The following POSTN variants were observed in gnomAD, a reference collection of about 807,000 sequenced individuals.
POSTN encodes osteoblast specific factor 2 (fasciclin I-like).
Under a neutral mutation model 104.5 loss-of-function variants are expected in POSTN, and 71 were observed. That is an observed-to-expected ratio of 0.68 (90% CI 0.56 to 0.83). The LOEUF is 0.83. Ranked by LOEUF, POSTN falls within the 40% of genes least tolerant of loss-of-function variation. The pLI is 0.00. For synonymous variants in POSTN, 355 were observed against 340.7 expected, an observed-to-expected ratio of 1.04 and a Z score of -0.46; for missense variants, 949 against 1,006.8, an observed-to-expected ratio of 0.94 and a Z score of 0.78.
At chr13:37,589,218 C>A (rs1950852138) in intron 4 of POSTN, among the ~76,000 whole-genome samples, 1 of 152,016 alleles carries the variant, frequency 6.6e-6, no homozygotes, top group African/African-American at 2.4e-5. Context: ...AGAAACAAGT[C>A]CAAACAACAA....
At chr13:37,567,550 T>C (rs775707382) in intron 21 of POSTN, among the ~76,000 whole-genome samples, 15 of 152,190 alleles carry the variant, frequency 9.9e-5, no homozygotes, top group Non-Finnish European at 1.9e-4. Context: ...CCGCATATAG[T>C]GTTTTTCCTA....
At chr13:37,574,395 T>G (rs1394939976) in intron 17 of POSTN, among the ~76,000 whole-genome samples, 177 bp downstream of exon 17, 1 of 151,836 alleles carries the variant, frequency 6.6e-6, no homozygotes, top group East Asian at 1.9e-4. Context: ...ATCATCTACT[T>G]TGCTAAATAA....
intron 4 of POSTN, among the ~76,000 whole-genome samples, chr13:37,588,936 G>C (rs1383310835): frequency 1.3e-5 from 2 of 152,076 alleles, no homozygotes; most frequent in Admixed American, 1.3e-4. Flanking sequence ...AGAGTATTAG[G>C]GGGATCACTT....
chr13:37,578,364 C>T (rs188073274), intron 15 of POSTN, among the ~76,000 whole-genome samples: 2 of 152,204 alleles, frequency 1.3e-5, no homozygotes, highest in Non-Finnish European at 2.9e-5. Flanking sequence ...AGAAATGATG[C>T]CATTTCTTTA....
intron 16 of POSTN, 90 bp from the exon 17 acceptor site, chr13:37,574,742 G>A: frequency 7.0e-7 from 1 of 1,425,132 alleles, no homozygotes; most frequent in South Asian, 1.5e-5. Context: ...TTTTGTCTCT[G>A]TAGGATACTA....
At position 37,579,287 on chromosome 13, in the gene POSTN, T is replaced by C; in HGVS notation, c.1733A>G (p.Glu578Gly). The change falls in exon 13 of 23, where the codon GAA becomes GGA. Residue 578 changes from glutamate (E) to glycine (G), a missense_variant. Transcript: ENST00000379747. ...TPGVFIGKGF[E>G]PGVTNILKTT... is the part of the protein sequence containing the mutation. ...CTTTAAAATGTTAGTAACACCAGGT[T>C]CAAATCCTTTTCCAATGAAAACTCC... The C allele has an allele frequency of 6.2e-7, 1 of 1,607,004 alleles. No homozygotes were observed. Among genetic ancestry groups the C allele is most frequent in the South Asian group, 1.1e-5 (1 of 90,934 alleles).
At chr13:37,572,910 T>C (rs1950299262) in intron 17 of POSTN, among the ~76,000 whole-genome samples, 1 of 151,594 alleles carries the variant, frequency 6.6e-6, no homozygotes, top group African/African-American at 2.4e-5. Context: ...ATTTGTTTCC[T>C]TCATTATGCT....
chr13:37,564,305 C>T (rs1360807238), intron 22 of POSTN, among the ~76,000 whole-genome samples: 1 of 147,442 alleles, frequency 6.8e-6, no homozygotes, highest in Non-Finnish European at 1.5e-5. Context: ...GTTGACCTTT[C>T]CCTTAATATT....
Position 37,584,794 on chromosome 13 carries a change from T to G in POSTN, c.1030A>C (p.Lys344Gln), listed in dbSNP as rs747099884. Reference protein sequence around the residue: ...DGDSITVNGIKMVNKKDIVTN... With the variant: ...DGDSITVNGIQMVNKKDIVTN... Reference sequence around the variant, plus strand: ...ACAATATCCTTTTTGTTCACCATTTTGATTCCATTTACTGTTATACTGTCA... The same window carrying G: ...ACAATATCCTTTTTGTTCACCATTTGGATTCCATTTACTGTTATACTGTCA... The change falls in exon 8 of 23, where the codon AAA becomes CAA. Residue 344 changes from lysine to glutamine, a missense_variant. Physicochemically the swap from Lys to Gln is moderately conservative, Grantham distance 53 (BLOSUM62 1). Coordinates refer to ENST00000379747, the MANE Select transcript of POSTN (RefSeq NM_006475.3). 1.1e-5 allele frequency: 17 copies of G among 1,613,946 alleles called. No homozygotes were observed. Among genetic ancestry groups the G allele is most frequent in the Middle Eastern group, 1.7e-4 (1 of 6,058 alleles).
intron 17 of POSTN, 89 bp from the exon 18 acceptor site, chr13:37,571,547 G>A (rs1593316921): frequency 1.1e-6 from 1 of 948,486 alleles, no homozygotes; most frequent in Non-Finnish European, 1.6e-6. Flanking sequence ...CATTCGGTGT[G>A]ACTCAACTCA....
chr13:37,584,750 G>T lies in POSTN; in HGVS notation c.1074C>A (p.Ile358=), dbSNP rs761481377. 15 of 1,613,652 alleles carry T rather than the reference G, an allele frequency of 9.3e-6. No individual in the cohort carries two copies. In the East Asian group the frequency reaches 3.1e-4, roughly 34 times the overall value. ...KKDIVTNNGV[I]HLIDQVLIPD... The stretch of plus-strand genomic sequence containing the variant: ...GAATTAGGACCTGATCAATCAAATG[G>T]ATCACACCATTATTTGTCACAATAT... The change falls in exon 8 of 23, where the codon ATC becomes ATA. Residue 358 remains isoleucine, a synonymous_variant. Coordinates refer to ENST00000379747, the MANE Select transcript of POSTN (RefSeq NM_006475.3).
chr13:37,576,300 C>T lies in POSTN; in HGVS notation c.2008+1453G>A, dbSNP rs9603227. On this transcript the variant is annotated intron_variant, in intron 16 of 22. Coordinates refer to ENST00000379747, the MANE Select transcript of POSTN (RefSeq NM_006475.3). ...AATTTGGTTTAATTTATCTTTACTT[C>T]TACTTTAAAATACTTCTTAATAACA... 6.9e-3 allele frequency among the ~76,000 whole-genome samples: 1,053 copies of T among 152,046 alleles called. 10 individuals are homozygous for T. The highest frequency in any genetic ancestry group is 0.024 in the African/African-American group (988 of 41,518).
chr13:37,573,971 G>A (rs770113749), intron 17 of POSTN, among the ~76,000 whole-genome samples: 3 of 151,412 alleles, frequency 2.0e-5, no homozygotes, highest in Admixed American at 6.6e-5. Context: ...TAATATATAC[G>A]TCTGTATGTA....
At chr13:37,581,133 C>G (rs1265918704) in intron 10 of POSTN, among the ~76,000 whole-genome samples, 3 of 152,066 alleles carry the variant, frequency 2.0e-5, no homozygotes, top group Non-Finnish European at 2.9e-5. Flanking sequence ...CATTGTAAGT[C>G]AAATCATTGA....
Position 37,577,852 on chromosome 13 carries a change from A to G in POSTN, c.1963-54T>C, listed in dbSNP as rs557662516. ...ATGAAAGGTGATAGTTGTGTTAACA[A>G]AACCATGGCACCACTTTAATTCTTA... On this transcript the variant is annotated intron_variant, in intron 15 of 22. Transcript: ENST00000379747. The G allele has an allele frequency of 9.3e-5, 150 of 1,607,944 alleles. No homozygotes were observed. The East Asian group carries it at 3.1e-3, about 34-fold the overall frequency.
At chr13:37,565,483 A>G (rs1383976321) in intron 21 of POSTN, 1 of 152,012 alleles carries the variant, frequency 6.6e-6, no homozygotes, top group Non-Finnish European at 1.5e-5. Flanking sequence ...TATTATATAC[A>G]TGTTTTCAAT....
In POSTN at chr13:37,587,900, G is replaced by T. The variant is rs376539965; in HGVS notation, c.528C>A (p.Thr176=). The change falls in exon 5 of 23, where the codon ACC becomes ACA. Residue 176 remains threonine (T), a synonymous_variant. Transcript: ENST00000379747. ...TAATCATGCCATTTTTTAAGTCCTT[G>T]GTCAACATTCTCTTATTAATCATGT... ...HSHMINKRML[T]KDLKNGMIIP... is the part of the protein sequence containing the mutation. The T allele has an allele frequency of 1.5e-4, 237 of 1,600,022 alleles. No individual in the cohort carries two copies. The highest frequency in any genetic ancestry group is 4.5e-4 in the Admixed American group (27 of 59,772).
In POSTN at chr13:37,569,826, GAGA is replaced by G. The variant is rs757340323; in HGVS notation, c.2270-8_2270-6del. 3.2e-6 allele frequency: 5 copies of G among 1,582,850 alleles called. No individual in the cohort carries two copies. In the South Asian group the frequency reaches 5.6e-5, roughly 18 times the overall value. ...TAGTGTATTTTATTTCAGGACCTATGAGAAGGACAATGAAAAAGGTCTAAAACA... is the reference window on the plus strand; with the variant it reads ...TAGTGTATTTTATTTCAGGACCTATGAGGACAATGAAAAAGGTCTAAAACA... On this transcript the variant is annotated splice_polypyrimidine_tract_variant and splice_region_variant and intron_variant, in intron 19 of 22. Transcript: ENST00000379747.
At chr13:37,597,802 T>C (rs1365173482) in intron 1 of POSTN, among the ~76,000 whole-genome samples, 1 of 152,170 alleles carries the variant, frequency 6.6e-6, no homozygotes, top group Non-Finnish European at 1.5e-5. Flanking sequence ...TGAAACAATA[T>C]GGTTGCACAA....
Sources: allele counts gnomAD v4.1 joint callset (sites outside exome capture counted in the v4.1 genomes callset), GRCh38; gene constraint gnomAD v4.1.1; transcripts MANE v1.5; gene names NCBI Gene and HGNC (gene_info 2026-07-23, HGNC 2026-07-21).